BLTP2: variants seen among roughly 807,000 people sequenced by gnomAD.
BLTP2 encodes the protein U937-associated antigen.
chr17:28,627,645 C>G, the BLTP2 span, among the ~76,000 whole-genome samples: 1 of 152,016 alleles, frequency 6.6e-6, no homozygotes, highest in Non-Finnish European at 1.5e-5. Flanking sequence ...CTGACCCACC[C>G]ACCTCAGCCT....
At chr17:28,634,047 C>A in the BLTP2 span, 2 of 1,614,146 alleles carry the variant, frequency 1.2e-6, no homozygotes, top group Non-Finnish European at 8.5e-7. Context: ...CCGCCAGTCA[C>A]GGATCTCAAA....
At chr17:28,628,352 T>C in the BLTP2 span, 2 of 1,614,204 alleles carry the variant, frequency 1.2e-6, no homozygotes, top group Non-Finnish European at 1.7e-6. Context: ...ACACCCCGCT[T>C]TGGCTTTTTG....
At chr17:28,625,351 A>G in the BLTP2 span, among the ~76,000 whole-genome samples, 1 of 150,300 alleles carries the variant, frequency 6.7e-6, no homozygotes, top group East Asian at 1.9e-4. Flanking sequence ...AAAAAAAAAA[A>G]AAAAAAAGAA....
At chr17:28,615,974 C>T in the BLTP2 span, 1 of 1,018,214 alleles carries the variant, frequency 9.8e-7, no homozygotes, top group Admixed American at 1.9e-5. Flanking sequence ...GCAGAGGGAA[C>T]AGCAGATTTA....
the BLTP2 span, chr17:28,633,088 T>C: frequency 6.3e-7 from 1 of 1,585,972 alleles, no homozygotes; most frequent in Non-Finnish European, 8.6e-7. Context: ...ATCATGGGGG[T>C]TCCCATGGCA....
At chr17:28,626,118 C>T in the BLTP2 span, among the ~76,000 whole-genome samples, 1 of 152,140 alleles carries the variant, frequency 6.6e-6, no homozygotes, top group Non-Finnish European at 1.5e-5. Flanking sequence ...TTTGTCTCCC[C>T]ACCTCCAGTT....
chr17:28,634,494 CAAAT>C, the BLTP2 span: 1 of 1,595,350 alleles, frequency 6.3e-7, no homozygotes, highest in Non-Finnish European at 8.5e-7. Context: ...ACGGGGTCTG[CAAAT>C]AAAGGAAACA....
At chr17:28,628,269 TG>T in the BLTP2 span, 1 of 1,613,694 alleles carries the variant, frequency 6.2e-7, no homozygotes, top group Non-Finnish European at 8.5e-7. Context: ...GCTTACCTCC[TG>T]ATGACCCCTT....
At chr17:28,636,696 AAAG>A in the BLTP2 span, among the ~76,000 whole-genome samples, 1 of 152,188 alleles carries the variant, frequency 6.6e-6, no homozygotes, top group African/African-American at 2.4e-5. Context: ...TAGAAAAAAT[AAAG>A]AAGATCAGGT....
chr17:28,628,317 A>T, the BLTP2 span: 1 of 1,614,142 alleles, frequency 6.2e-7, no homozygotes, highest in Non-Finnish European at 8.5e-7. Context: ...TGTTAACACG[A>T]GGTGGGGCTG....
chr17:28,645,081 G>C, the BLTP2 span: 26 of 1,559,686 alleles, frequency 1.7e-5, 1 homozygote, highest in South Asian at 2.8e-4. Context: ...GGCCCGGCTT[G>C]GCCCCGGCCC....
At chr17:28,615,277 G>A in the BLTP2 span, 1 of 1,535,502 alleles carries the variant, frequency 6.5e-7, no homozygotes, top group Non-Finnish European at 8.9e-7. Context: ...AAAAGAAAAT[G>A]TAAATATTAG....
chr17:28,633,346 T>C, the BLTP2 span: 5 of 1,614,112 alleles, frequency 3.1e-6, no homozygotes, highest in Non-Finnish European at 3.4e-6. Context: ...AGGTTTCCAA[T>C]GAAAAGACAG....
At chr17:28,629,992 G>C in the BLTP2 span, among the ~76,000 whole-genome samples, 1 of 152,072 alleles carries the variant, frequency 6.6e-6, no homozygotes, top group Non-Finnish European at 1.5e-5. Flanking sequence ...CTCCTAAATA[G>C]CTAGGACTAC....
the BLTP2 span, among the ~76,000 whole-genome samples, chr17:28,621,774 T>C: frequency 6.6e-6 from 1 of 152,170 alleles, no homozygotes; most frequent in Non-Finnish European, 1.5e-5. Flanking sequence ...GGTTCAAATC[T>C]AATCATGTCA....
chr17:28,644,103 C>A, the BLTP2 span: 8 of 1,614,230 alleles, frequency 5.0e-6, no homozygotes, highest in South Asian at 1.1e-5. Flanking sequence ...CATTCTGGAT[C>A]CAAAAAAAGC....
the BLTP2 span, chr17:28,641,923 G>A: frequency 6.2e-7 from 1 of 1,613,918 alleles, no homozygotes. Context: ...CTAGGCTTGG[G>A]CCCTGGCACA....
At chr17:28,618,700 C>T in the BLTP2 span, 17 of 953,562 alleles carry the variant, frequency 1.8e-5, no homozygotes, top group Admixed American at 2.3e-5. Context: ...ATAATTAACC[C>T]CCTTTTATTT....
the BLTP2 span, chr17:28,614,852 C>T: frequency 2.0e-6 from 1 of 495,656 alleles, no homozygotes; most frequent in South Asian, 3.8e-5. Context: ...CTCTTGTTGC[C>T]TCTCTGGCCC....
Sources: allele counts gnomAD v4.1 joint callset (sites outside exome capture counted in the v4.1 genomes callset), GRCh38; gene constraint gnomAD v4.1.1; transcripts MANE v1.5; gene names NCBI Gene and HGNC (gene_info 2026-07-23, HGNC 2026-07-21).